Variants in LENG9 observed in about 807,000 individuals in gnomAD.
The protein encoded by LENG9 is leukocyte receptor cluster (LRC) member 9.
For missense variants in LENG9, 872 were observed against 652.7 expected (o/e 1.34, Z -3.66); for synonymous variants, 410 against 303.9 (o/e 1.35, Z -3.63).
Position 54,462,969 on chromosome 19 carries a change from A to C in LENG9, c.558T>G (p.Ala186=). Residue 186 remains alanine (A), a synonymous_variant, in exon 1 of 1, where the codon GCT becomes GCG. Coordinates refer to ENST00000611161, the MANE Select transcript of LENG9 (RefSeq NM_001301782.2). ...TLAGTGQEAQ[A]APKRGSTRPL... ...GCCTTGTGCTCCCTCGCTTGGGGGC[A>C]GCCTGGGCCTCCTGACCTGTCCCCG... 6.2e-7 allele frequency: 1 copy of C among 1,608,610 alleles called. No homozygotes were observed. The highest frequency in any genetic ancestry group is 8.5e-7 in the Non-Finnish European group (1 of 1,179,716).
Position 54,463,574 on chromosome 19 carries a change from A to G in LENG9, c.-48T>C. On this transcript the variant is annotated 5_prime_UTR_variant, in exon 1 of 1. Transcript: ENST00000611161. ...CGCCGCGCAGACGAGGTCGCCCCGC[A>G]CGGAGGGCGGCTCCCCTTGGATGCA... 3.7e-6 allele frequency: 5 copies of G among 1,355,372 alleles called. No homozygotes were observed. The highest frequency in any genetic ancestry group is 4.8e-6 in the Non-Finnish European group (5 of 1,045,646). 84.0% of individuals were successfully genotyped at this position (1,355,372 alleles called of 1,614,324 possible). A position where few individuals can be genotyped will look rare whatever the true frequency, so the allele number is the denominator to read the frequency against.
Position 54,462,169 on chromosome 19 carries a change from G to T in LENG9, c.1358C>A (p.Pro453His), listed in dbSNP as rs781645891. 21 of 1,611,964 alleles carry T rather than the reference G, an allele frequency of 1.3e-5. No individual in the cohort carries two copies. The highest frequency in any genetic ancestry group is 1.7e-5 in the Non-Finnish European group (20 of 1,178,820). The change falls in exon 1 of 1, where the codon CCC becomes CAC. Residue 453 changes from proline (P) to histidine (H), a missense_variant. By Grantham distance (77) the Pro-to-His change is moderately conservative. Transcript: ENST00000611161. ...ACGGCACAGCCAGAGTGTCTGCAGG[G>T]GCTGGCACCCCACTTCCTGGCTGAG... Reference protein sequence around the residue: ...FTLSQEVGCQPLQTLWLCRIG... With the variant: ...FTLSQEVGCQHLQTLWLCRIG...
Sources: gnomAD v4.1 joint callset for allele counts on GRCh38, gnomAD v4.1.1 for gene constraint, MANE v1.5 for transcripts, NCBI Gene and HGNC (gene_info 2026-07-23, HGNC 2026-07-21) for gene names.